The following GRAMD1A variants were observed in gnomAD, a reference collection of about 807,000 sequenced individuals.
GRAMD1A encodes GRAM domain containing 1A.
GRAMD1A carries 50 observed loss-of-function variants against 92.0 expected under a neutral mutation model. The observed-to-expected ratio is 0.54, with a 90% CI of 0.43 to 0.69. GRAMD1A has a LOEUF of 0.69. Ranked by LOEUF, GRAMD1A falls within the 30% of genes least tolerant of loss-of-function variation. GRAMD1A has a pLI of 0.00. For synonymous variants in GRAMD1A, 405 were observed against 403.6 expected, an observed-to-expected ratio of 1.00 and a Z score of -0.04; for missense variants, 819 against 978.9, an observed-to-expected ratio of 0.84 and a Z score of 2.18.
chr19:34,997,388 C>CAAAAA (rs540666102), upstream of GRAMD1A, among the ~76,000 whole-genome samples: 1,622 of 113,208 alleles, frequency 0.014, 29 homozygotes, highest in African/African-American at 0.031. Context: ...GCCAAAAAAA[C>CAAAAA]AAAAAAAAAA....
In GRAMD1A at chr19:35,010,828, G is replaced by C. The variant is rs184877036; in HGVS notation, c.525+449G>C. On this transcript the variant is annotated intron_variant, in intron 6 of 19. Coordinates refer to ENST00000317991, the MANE Select transcript of GRAMD1A (RefSeq NM_020895.5). ...TTAAAAGTGGATCTGGCCAGGTGTA[G>C]TGGCTCATGCCTGTAACCCTAGCAT... is the stretch of plus-strand genomic sequence containing the variant. 1.2e-4 allele frequency among the ~76,000 whole-genome samples: 19 copies of C among 152,334 alleles called. No homozygotes were observed. The East Asian group carries it at 3.1e-3, about 25-fold the overall frequency.
chr19:35,022,131 T>C, intron 16 of GRAMD1A, 93 bp downstream of exon 16: 5 of 847,898 alleles, frequency 5.9e-6, no homozygotes, highest in Admixed American at 4.9e-5. Flanking sequence ...TTGAGCTCTC[T>C]GCTTAAGTGG....
At chr19:35,006,090 T>G (rs12459310) in intron 1 of GRAMD1A, among the ~76,000 whole-genome samples, 22,220 of 152,140 alleles carry the variant, frequency 0.15, 2,095 homozygotes, top group African/African-American at 0.27. Flanking sequence ...CACTTTGGGA[T>G]GCTGAGGCAG....
chr19:35,023,660 T>C, intron 19 of GRAMD1A, 113 bp downstream of exon 19: 3 of 1,047,112 alleles, frequency 2.9e-6, no homozygotes, highest in Non-Finnish European at 4.0e-6. Context: ...TCCTCCTCTG[T>C]AAAATGAGGA....
At chr19:35,017,062 C>T (rs749027996) in intron 11 of GRAMD1A, among the ~76,000 whole-genome samples, 1 of 151,744 alleles carries the variant, frequency 6.6e-6, no homozygotes, top group Non-Finnish European at 1.5e-5. Context: ...GTAATCCCAG[C>T]TACTCTGGAG....
chr19:35,016,604 G>C (rs2015647981), intron 11 of GRAMD1A, among the ~76,000 whole-genome samples: 1 of 84,590 alleles, frequency 1.2e-5, no homozygotes. Flanking sequence ...AAAAAAACAG[G>C]GGCGGGGGGT....
chr19:35,008,521 C>G (rs540237195), intron 1 of GRAMD1A, among the ~76,000 whole-genome samples: 8 of 151,324 alleles, frequency 5.3e-5, no homozygotes, highest in African/African-American at 1.9e-4. Context: ...AAGACCCCGT[C>G]TCAAAAAAAA....
intron 10 of GRAMD1A, 163 bp from the exon 11 acceptor site, chr19:35,015,661 C>T: frequency 1.6e-6 from 1 of 630,264 alleles, no homozygotes. Flanking sequence ...CCACCCTCAA[C>T]CCATCCCTGA....
intron 10 of GRAMD1A, 45 bp from the exon 11 acceptor site, chr19:35,015,779 G>A: frequency 6.3e-7 from 1 of 1,590,698 alleles, no homozygotes; most frequent in Non-Finnish European, 8.6e-7. Flanking sequence ...CAGAGGGAGG[G>A]AGGAGTGGAG....
intron 6 of GRAMD1A, 109 bp from the exon 7 acceptor site, chr19:35,011,365 C>T (rs1568325151): frequency 4.8e-6 from 4 of 829,894 alleles, no homozygotes; most frequent in Non-Finnish European, 2.1e-6. Context: ...TTAGTGGATT[C>T]ATGGGGCCAA....
intron 17 of GRAMD1A, 72 bp downstream of exon 17, chr19:35,022,983 C>A: frequency 8.3e-7 from 1 of 1,206,772 alleles, no homozygotes. Context: ...TTCTCCCCAC[C>A]CCATGCCCCC....
Position 35,010,311 on chromosome 19 carries a change from T to G in GRAMD1A, c.457T>G (p.Cys153Gly). Residue 153 changes from cysteine (C) to glycine (G), a missense_variant, in exon 6 of 20, where the codon TGT (cysteine) becomes GGT (glycine). By Grantham distance (159) the Cys-to-Gly change is radical. Transcript: ENST00000317991. ...CTCCATCCAGCTGAAGGAAGTGACATGTCTGAAGAAGGAAAAGACGGCCAA... is the reference window on the plus strand; with the variant it reads ...CTCCATCCAGCTGAAGGAAGTGACAGGTCTGAAGAAGGAAAAGACGGCCAA... ...TISIQLKEVT[C>G]LKKEKTAKLI... 2 of 1,613,716 alleles carry G rather than the reference T, an allele frequency of 1.2e-6. No homozygotes were observed. Among genetic ancestry groups the G allele is most frequent in the Non-Finnish European group, 1.7e-6 (2 of 1,179,568 alleles).
At chr19:35,024,718 G>A (rs905972717) in intron 19 of GRAMD1A, among the ~76,000 whole-genome samples, 1 of 152,158 alleles carries the variant, frequency 6.6e-6, no homozygotes, top group African/African-American at 2.4e-5. Flanking sequence ...GGCAGGATGG[G>A]GTGGGGAGGA....
At position 35,021,748 on chromosome 19, in the gene GRAMD1A, G is replaced by T. The variant is rs1374815957; in HGVS notation, c.1637G>T (p.Arg546Leu). The T allele has an allele frequency of 6.2e-7, 1 of 1,613,712 alleles. No homozygotes were observed. The highest frequency in any genetic ancestry group is 1.7e-5 in the Admixed American group (1 of 60,020). The change falls in exon 15 of 20, where the codon CGG (arginine) becomes CTG (leucine). Residue 546 changes from arginine (R) to leucine (L), a missense_variant. Physicochemically the swap from Arg to Leu is moderately radical, Grantham distance 102 (BLOSUM62 -2). Coordinates refer to ENST00000317991, the MANE Select transcript of GRAMD1A (RefSeq NM_020895.5). The surrounding 1 kb of genome is among the most constrained non-coding windows in gnomAD (Gnocchi z 5.3). ...LSLEEGGKDA[R>L]GLLSGLRRRK... ...CTGGAGGAAGGCGGGAAGGATGCCCGGGGCTTGCTATCCGGCCTGCGGCGG... is the reference window on the plus strand; with the variant it reads ...CTGGAGGAAGGCGGGAAGGATGCCCTGGGCTTGCTATCCGGCCTGCGGCGG...
intron 10 of GRAMD1A, 28 bp from the exon 11 acceptor site, chr19:35,015,796 A>G (rs2151723381): frequency 1.2e-6 from 2 of 1,606,792 alleles, no homozygotes; most frequent in Admixed American, 3.4e-5. Context: ...GGAGGCAGTC[A>G]TCATCCTCGG....
In GRAMD1A at chr19:35,014,350, A is replaced by G. The variant is rs1334428022; in HGVS notation, c.1032A>G (p.Thr344=). The G allele has an allele frequency of 3.7e-6, 6 of 1,614,108 alleles. No homozygotes were observed. The East Asian group carries it at 1.1e-4, about 30-fold the overall frequency. ...LDLLPSEELL[T]DTSNSSSSTG... is the part of the protein sequence containing the mutation. ...TGCTGCCCAGTGAGGAGCTATTGAC[A>G]GACACAAGTAACTCCTCTTCATCCA... Residue 344 remains threonine (T), a synonymous_variant, in exon 10 of 20, where the codon ACA becomes ACG. Transcript: ENST00000317991.
At chr19:35,009,580 T>C in intron 3 of GRAMD1A, 137 bp downstream of exon 3, 1 of 894,320 alleles carries the variant, frequency 1.1e-6, no homozygotes, top group South Asian at 1.4e-5. Context: ...TATGCTATTA[T>C]TTATGTGCTG....
Position 35,000,345 on chromosome 19 carries a change from G to C in GRAMD1A, c.-134G>C. The C allele has an allele frequency of 9.3e-7, 1 of 1,079,748 alleles. No homozygotes were observed. The highest frequency in any genetic ancestry group is 1.1e-6 in the Non-Finnish European group (1 of 892,374). 66.9% of individuals were successfully genotyped at this position (1,079,748 alleles called of 1,614,324 possible). ...GGCCTTTTGTGCGGGCGGTTGGGTC[G>C]GGTGGGGGCGGCGGCCGCGGAAGGC... On this transcript the variant is annotated 5_prime_UTR_variant, in exon 1 of 20. Transcript: ENST00000317991. This position sits in a 1 kb window ranked among gnomAD's most constrained non-coding sequence, Gnocchi z 4.9.
In GRAMD1A at chr19:35,010,134, G is replaced by A. The variant is rs777364613; in HGVS notation, c.368G>A (p.Arg123His). 5 of 1,613,008 alleles carry A rather than the reference G, an allele frequency of 3.1e-6. No individual in the cohort carries two copies. In the East Asian group the frequency reaches 6.7e-5, roughly 22 times the overall value. ...ALQREILLQG[R>H]LYLSENWICF... ...CAGCGTGAGATCCTGCTCCAGGGCC[G>A]CCTCTACCTCTCTGAGAACTGGATC... Residue 123 changes from arginine to histidine, a missense_variant, in exon 5 of 20, where the codon CGC (arginine) becomes CAC (histidine). Physicochemically the swap from Arg to His is conservative, Grantham distance 29. This residue lies in a region of GRAMD1A where 144 missense variants were observed against 220.3 expected (regional missense o/e 0.65). Transcript: ENST00000317991.
Sources: allele counts gnomAD v4.1 joint callset (sites outside exome capture counted in the v4.1 genomes callset), GRCh38; gene constraint gnomAD v4.1.1; regional missense constraint gnomAD v4.1.1; non-coding constraint Gnocchi (gnomAD v3.1); transcripts MANE v1.5; gene names NCBI Gene and HGNC (gene_info 2026-07-23, HGNC 2026-07-21).